CAPN10: variants seen among roughly 807,000 people sequenced by gnomAD.
CAPN10 encodes calpain 10, also known as calpain-10.
CAPN10 carries 71 observed loss-of-function variants against 78.4 expected under a neutral mutation model. That is an observed-to-expected ratio of 0.91 (90% CI 0.75 to 1.10). The LOEUF (loss-of-function observed/expected upper bound fraction) is 1.10. CAPN10 is among the 50% of genes least tolerant of loss of function. The pLI is 0.00. For synonymous variants in CAPN10, 437 were observed against 407.2 expected, an observed-to-expected ratio of 1.07 and a Z score of -0.88; for missense variants, 849 against 924.6, an observed-to-expected ratio of 0.92 and a Z score of 1.06.
chr2:240,594,089 G>T lies in CAPN10; in HGVS notation c.830+42G>T, dbSNP rs768472279. On this transcript the variant is annotated intron_variant, in intron 5 of 11. Coordinates refer to ENST00000391984, the MANE Select transcript of CAPN10 (RefSeq NM_023083.4). Reference sequence around the variant, plus strand: ...GGACCATGCTGCTGTCGGGAGGGGGGCCCAGTGCCAGTCTGGCCTGTGTCC... The same window carrying T: ...GGACCATGCTGCTGTCGGGAGGGGGTCCCAGTGCCAGTCTGGCCTGTGTCC... The T allele has an allele frequency of 3.3e-6, 5 of 1,529,058 alleles. No individual in the cohort carries two copies. The African/African-American group carries it at 5.5e-5, about 17-fold the overall frequency. 94.7% of individuals were successfully genotyped at this position (1,529,058 alleles called of 1,614,324 possible). A position where few individuals can be genotyped will look rare whatever the true frequency, so the allele number is the denominator to read the frequency against.
chr2:240,595,777 G>A (rs1363481177), intron 7 of CAPN10, among the ~76,000 whole-genome samples: 2 of 152,258 alleles, frequency 1.3e-5, no homozygotes, highest in Non-Finnish European at 2.9e-5. Flanking sequence ...ATTGCTCTGA[G>A]GCCCAGGCAG....
chr2:240,592,350 C>T lies in CAPN10; in HGVS notation c.688+200C>T, dbSNP rs558328294. On this transcript the variant is annotated intron_variant, in intron 4 of 11. Transcript: ENST00000391984. The stretch of plus-strand genomic sequence containing the variant: ...CCTCTTCCAGAGGGACGTGGCCCTT[C>T]TCTCCCCTGACCAGTCCTTTCCACT... The T allele has an allele frequency of 5.8e-5, 39 of 674,700 alleles. No individual in the cohort carries two copies. In the African/African-American group the frequency reaches 6.0e-4, roughly 10 times the overall value. The allele number at this position is 674,700 out of a possible 1,614,324, so 41.8% of individuals were successfully genotyped here. A position where few individuals can be genotyped will look rare whatever the true frequency, so the allele number is the denominator to read the frequency against.
Position 240,592,061 on chromosome 2 carries a change from C to T in CAPN10, c.599C>T (p.Pro200Leu). 2 of 1,609,550 alleles carry T rather than the reference C, an allele frequency of 1.2e-6. No homozygotes were observed. Among genetic ancestry groups the T allele is most frequent in the Non-Finnish European group, 1.7e-6 (2 of 1,178,842 alleles). The change falls in exon 4 of 12, where the codon CCA (proline) becomes CTA (leucine). Residue 200 changes from proline (P) to leucine (L), a missense_variant. Physicochemically the swap from Pro to Leu is moderately conservative, Grantham distance 98. Coordinates refer to ENST00000391984, the MANE Select transcript of CAPN10 (RefSeq NM_023083.4). ...GGAAGCGGAGGCCAGCAGGACAGGC[C>T]AGGCCGCTGGGAGCACAGGACTTGT... ...VAGSGGQQDRPGRWEHRTCRQ... is the reference protein window; with the variant it reads ...VAGSGGQQDRLGRWEHRTCRQ...
rs980412388 is a variant in CAPN10 at position 240,596,344 on chromosome 2, C to T, written c.1304C>T (p.Pro435Leu). The change falls in exon 8 of 12, where the codon CCT becomes CTT. Residue 435 changes from proline to leucine, a missense_variant. Pro to Leu is a moderately conservative substitution (Grantham distance 98). Transcript: ENST00000391984. ...WKVEKRRVNL[P>L]RVLSMPPVAG... is the part of the protein sequence containing the mutation. ...GTAGAGAAGCGGCGGGTCAATCTGCCTAGGGTCCTGTCCATGCCCCCCGTG... is the reference window on the plus strand; with the variant it reads ...GTAGAGAAGCGGCGGGTCAATCTGCTTAGGGTCCTGTCCATGCCCCCCGTG... The T allele has an allele frequency of 6.2e-7, 1 of 1,610,428 alleles. No homozygotes were observed. Among genetic ancestry groups the T allele is most frequent in the African/African-American group, 1.3e-5 (1 of 74,916 alleles).
Position 240,597,970 on chromosome 2 carries a change from C to T in CAPN10, c.1826C>T (p.Ala609Val). Reference sequence around the variant, plus strand: ...CTGAGCTGCGTGCCACATCGCTACGCCCAGGAGGTGAGCCGGCTCTGCCTC... The same window carrying T: ...CTGAGCTGCGTGCCACATCGCTACGTCCAGGAGGTGAGCCGGCTCTGCCTC... ...PLLSCVPHRY[A>V]QEVSRLCLLP... The change falls in exon 10 of 12, where the codon GCC becomes GTC. Residue 609 changes from alanine (A) to valine (V), a missense_variant. Ala to Val is a moderately conservative substitution (Grantham distance 64, BLOSUM62 0). Transcript: ENST00000391984. 4 of 1,613,042 alleles carry T rather than the reference C, an allele frequency of 2.5e-6. No individual in the cohort carries two copies. Among genetic ancestry groups the T allele is most frequent in the Non-Finnish European group, 3.4e-6 (4 of 1,179,936 alleles).
intron 3 of CAPN10, 83 bp downstream of exon 3, chr2:240,591,094 C>A: frequency 1.5e-6 from 2 of 1,331,400 alleles, no homozygotes; most frequent in Non-Finnish European, 2.1e-6. Flanking sequence ...AGGGTCTCTG[C>A]TCACTCTGGG....
rs1390003173 is a variant in CAPN10 at position 240,598,365 on chromosome 2, A to G, written c.1957A>G (p.Ser653Gly). The change falls in exon 11 of 12, where the codon AGC becomes GGC. Residue 653 changes from serine to glycine, a missense_variant. By Grantham distance (56) the Ser-to-Gly change is moderately conservative. Coordinates refer to ENST00000391984, the MANE Select transcript of CAPN10 (RefSeq NM_023083.4). ...GTCTCTCCACAGGCCATCCATTCAC[A>G]GCCAGGAGATGCTGGGCCAGTTCCT... is the stretch of plus-strand genomic sequence containing the variant. ...ATRIDRPSIH[S>G]QEMLGQFLQE... The G allele has an allele frequency of 1.9e-6, 3 of 1,613,830 alleles. No individual in the cohort carries two copies. The highest frequency in any genetic ancestry group is 1.1e-5 in the South Asian group (1 of 91,084).
rs1422489553 is a variant in CAPN10, at chr2:240,592,048, C to T, written c.586C>T (p.Gln196Ter). The T allele has an allele frequency of 6.2e-7, 1 of 1,611,956 alleles. No individual in the cohort carries two copies. The highest frequency in any genetic ancestry group is 1.7e-5 in the Admixed American group (1 of 59,770). The change falls in exon 4 of 12, where the codon CAG (glutamine) becomes TAG (stop). Residue 196 changes from glutamine to a stop codon, truncating the protein, a stop_gained. Transcript: ENST00000391984. LOFTEE classifies it high-confidence loss of function. Reference sequence around the variant, plus strand: ...GAAGGGCGTAGCAGGAAGCGGAGGCCAGCAGGACAGGCCAGGCCGCTGGGA... The same window carrying T: ...GAAGGGCGTAGCAGGAAGCGGAGGCTAGCAGGACAGGCCAGGCCGCTGGGA... ...NLKGVAGSGG[Q>*]QDRPGRWEHR... is the part of the protein sequence containing the mutation.
chr2:240,593,965 G>A lies in CAPN10; in HGVS notation c.748G>A (p.Gly250Ser). ...FIVSDLRELQGQAGQCILLLR... is the reference protein window; with the variant it reads ...FIVSDLRELQSQAGQCILLLR... ...TGTCTCGGACCTGCGGGAGCTCCAG[G>A]GTCAGGCGGGCCAGTGCATCCTGCT... Residue 250 changes from glycine (G) to serine (S), a missense_variant, in exon 5 of 12, where the codon GGT (glycine) becomes AGT (serine). Transcript: ENST00000391984. 5.6e-6 allele frequency: 9 copies of A among 1,611,442 alleles called. No individual in the cohort carries two copies. The highest frequency in any genetic ancestry group is 7.6e-6 in the Non-Finnish European group (9 of 1,178,324).
intron 9 of CAPN10, 52 bp from the exon 10 acceptor site, chr2:240,597,836 G>A: frequency 6.6e-7 from 1 of 1,505,338 alleles, no homozygotes; most frequent in Non-Finnish European, 9.0e-7. Context: ...CCCTGGGCTG[G>A]GCTCCCTACC....
rs757285571 is a variant in CAPN10 at position 240,590,808 on chromosome 2, A to G, written c.274-7A>G. ...GCTCGCCTTTTGCTTCTCCCTGTGCATGGCAGGTCATTCCTCCGGGACAGC... is the reference window on the plus strand; with the variant it reads ...GCTCGCCTTTTGCTTCTCCCTGTGCGTGGCAGGTCATTCCTCCGGGACAGC... On this transcript the variant is annotated splice_region_variant and splice_polypyrimidine_tract_variant and intron_variant, in intron 2 of 11. Coordinates refer to ENST00000391984, the MANE Select transcript of CAPN10 (RefSeq NM_023083.4). 34 of 1,613,672 alleles carry G rather than the reference A, an allele frequency of 2.1e-5. No individual in the cohort carries two copies. The highest frequency in any genetic ancestry group is 6.7e-5 in the African/African-American group (5 of 74,924).
rs919789575 is a variant in CAPN10 at position 240,598,895 on chromosome 2, G to A, written c.*215G>A. 5.0e-6 allele frequency: 3 copies of A among 595,752 alleles called. No individual in the cohort carries two copies. The highest frequency in any genetic ancestry group is 3.7e-5 in the African/African-American group (2 of 53,650). 36.9% of individuals were successfully genotyped at this position (595,752 alleles called of 1,614,324 possible). ...CCAGCTGGTGCTGCAAGGAAGGGTG[G>A]GAAGCTTGCTGGCTTCTGTTGCGCC... On this transcript the variant is annotated 3_prime_UTR_variant, in exon 12 of 12. Coordinates refer to ENST00000391984, the MANE Select transcript of CAPN10 (RefSeq NM_023083.4).
chr2:240,595,323 G>A lies in CAPN10; in HGVS notation c.1278+19G>A. ...CTGGAAGGTAACTCAGCCCCGTCTG[G>A]CTCACGCTCGGTTCAGCAGGTGGTG... On this transcript the variant is annotated intron_variant, in intron 7 of 11. Coordinates refer to ENST00000391984, the MANE Select transcript of CAPN10 (RefSeq NM_023083.4). The A allele has an allele frequency of 6.2e-7, 1 of 1,608,892 alleles. No individual in the cohort carries two copies. The highest frequency in any genetic ancestry group is 8.5e-7 in the Non-Finnish European group (1 of 1,179,440).
At chr2:240,589,249 C>T (rs954976753) in intron 1 of CAPN10, 94 bp from the exon 2 acceptor site, 80 of 1,528,686 alleles carry the variant, frequency 5.2e-5, no homozygotes, top group Admixed American at 1.7e-5. Context: ...GGAAAAGCTC[C>T]ACCCCAACTC....
chr2:240,596,775 G>A lies in CAPN10; in HGVS notation c.1576G>A (p.Gly526Ser), dbSNP rs376990183. 77 of 1,612,316 alleles carry A rather than the reference G, an allele frequency of 4.8e-5. No homozygotes were observed. The highest frequency in any genetic ancestry group is 5.9e-5 in the Non-Finnish European group (70 of 1,179,524). Residue 526 changes from glycine (G) to serine (S), a missense_variant, in exon 9 of 12, where the codon GGC becomes AGC. Transcript: ENST00000391984. ...TVQLRGSWRV[G>S]QTAGGSRNFA... ...GCAGCTACGGGGTTCTTGGAGAGTC[G>A]GCCAGACGGCGGGGGGCAGCAGGAA...
intron 1 of CAPN10, among the ~76,000 whole-genome samples, chr2:240,587,588 T>C (rs988305525): frequency 1.3e-5 from 2 of 152,264 alleles, no homozygotes; most frequent in African/African-American, 4.8e-5. Context: ...ATCTGCTGAA[T>C]AAGACTGCCC....
Position 240,593,922 on chromosome 2 carries a change from G to C in CAPN10, c.705G>C (p.Gly235=). ...LSPRAGAREL[G]EFHAFIVSDL... ...CTCATGCAGGTGCCCGGGAGCTGGG[G>C]GAGTTCCATGCCTTCATTGTCTCGG... is the stretch of plus-strand genomic sequence containing the variant. The change falls in exon 5 of 12, where the codon GGG becomes GGC. Residue 235 remains glycine (G), a synonymous_variant. Coordinates refer to ENST00000391984, the MANE Select transcript of CAPN10 (RefSeq NM_023083.4). 6.2e-7 allele frequency: 1 copy of C among 1,603,702 alleles called. No homozygotes were observed. Among genetic ancestry groups the C allele is most frequent in the Non-Finnish European group, 8.5e-7 (1 of 1,172,686 alleles).
chr2:240,597,986 G>A lies in CAPN10; in HGVS notation c.1842G>A (p.Arg614=), dbSNP rs538428552. 75 of 1,613,094 alleles carry A rather than the reference G, an allele frequency of 4.6e-5. No homozygotes were observed. Among genetic ancestry groups the A allele is most frequent in the Non-Finnish European group, 6.0e-5 (71 of 1,179,954 alleles). Residue 614 remains arginine, a synonymous_variant, in exon 10 of 12, where the codon CGG becomes CGA. Coordinates refer to ENST00000391984, the MANE Select transcript of CAPN10 (RefSeq NM_023083.4). ...ATCGCTACGCCCAGGAGGTGAGCCG[G>A]CTCTGCCTCCTGCCTGCGGGCACCT... ...VPHRYAQEVS[R]LCLLPAGTYK... is the part of the protein sequence containing the mutation.
Position 240,594,039 on chromosome 2 carries a change from G to A in CAPN10, c.822G>A (p.Trp274Ter). Residue 274 changes from tryptophan to a stop codon, truncating the protein, a stop_gained, in exon 5 of 12, where the codon TGG (tryptophan) becomes TGA (stop). Coordinates refer to ENST00000391984, the MANE Select transcript of CAPN10 (RefSeq NM_023083.4). LOFTEE classifies it high-confidence loss of function. ...PWGRRCWQGL[W>*]REGGEGWSQV... ...GCCGGCGGTGCTGGCAGGGGCTCTG[G>A]AGAGAGGGGTGAGTGCTGGGGCCTG... 6.2e-7 allele frequency: 1 copy of A among 1,601,174 alleles called. No homozygotes were observed. The highest frequency in any genetic ancestry group is 1.7e-5 in the Admixed American group (1 of 59,516).
Sources: allele counts gnomAD v4.1 joint callset (sites outside exome capture counted in the v4.1 genomes callset), GRCh38; gene constraint gnomAD v4.1.1; transcripts MANE v1.5; gene names NCBI Gene and HGNC (gene_info 2026-07-23, HGNC 2026-07-21).